RAPGEFL1: variants seen among roughly 807,000 people sequenced by gnomAD.
RAPGEFL1 encodes Rap guanine nucleotide exchange factor like 1, also known as rap guanine nucleotide exchange factor-like 1.
RAPGEFL1 carries 31 observed loss-of-function variants against 64.4 expected under a neutral mutation model. That is an observed-to-expected ratio of 0.48 (90% CI 0.36 to 0.65). The LOEUF is 0.65. RAPGEFL1 is among the 30% of genes least tolerant of loss of function. The pLI is 0.00. For synonymous variants in RAPGEFL1, 331 were observed against 274.1 expected (o/e 1.21, Z -2.05); for missense variants, 682 against 677.4 (o/e 1.01, Z -0.08).
At chr17:40,190,841 G>C (rs1990237627) in intron 8 of RAPGEFL1, 79 bp downstream of exon 8, 3 of 1,573,208 alleles carry the variant, frequency 1.9e-6, no homozygotes, top group African/African-American at 2.7e-5. Flanking sequence ...GCAGCACAAC[G>C]TCCTGGTTCC....
chr17:40,191,599 A>C lies in RAPGEFL1; in HGVS notation c.1532A>C (p.Asp511Ala). The C allele has an allele frequency of 6.2e-7, 1 of 1,602,088 alleles. No individual in the cohort carries two copies. Among genetic ancestry groups the C allele is most frequent in the South Asian group, 1.1e-5 (1 of 90,430 alleles). Residue 511 changes from aspartate to alanine, a missense_variant, in exon 10 of 15, where the codon GAC becomes GCC. By Grantham distance (126) the Asp-to-Ala change is moderately radical. This residue lies in a region of RAPGEFL1 where 411 missense variants were observed against 519.4 expected (regional missense o/e 0.79). Transcript: ENST00000620260. The surrounding 1 kb of genome is among the most constrained non-coding windows in gnomAD (Gnocchi z 5.1). ...CCCCGCAGCTGCAAGCAGAACCAGGACCTGCTGTCTTTCTACGCCGTGGTC... is the reference window on the plus strand; with the variant it reads ...CCCCGCAGCTGCAAGCAGAACCAGGCCCTGCTGTCTTTCTACGCCGTGGTC... ...KIAALCKQNQ[D>A]LLSFYAVVMG...
chr17:40,189,582 G>A (rs1387141878), intron 6 of RAPGEFL1, among the ~76,000 whole-genome samples: 1 of 152,238 alleles, frequency 6.6e-6, no homozygotes. Context: ...CAGCTACTCA[G>A]GAGGCTGAGG....
rs566747235 is a variant in RAPGEFL1, at chr17:40,177,498, A to AGCCGCCGCCGCCGCC, written c.-355_-341dup. On this transcript the variant is annotated 5_prime_UTR_variant, in exon 1 of 15. Coordinates refer to ENST00000620260, the MANE Select transcript of RAPGEFL1 (RefSeq NM_016339.6). The stretch of plus-strand genomic sequence containing the variant: ...TCCCCCTCTTCACGGCCAGGAGCGC[A>AGCCGCCGCCGCCGCC]GCCGCCGCCGCCGCCGCCGCCGCGT... 11 of 594,446 alleles carry AGCCGCCGCCGCCGCC rather than the reference A, an allele frequency of 1.9e-5. No homozygotes were observed. Among genetic ancestry groups the AGCCGCCGCCGCCGCC allele is most frequent in the African/African-American group, 1.3e-4 (7 of 52,498 alleles). 36.8% of individuals were successfully genotyped at this position (594,446 alleles called of 1,614,324 possible).
intron 1 of RAPGEFL1, among the ~76,000 whole-genome samples, chr17:40,178,591 C>T (rs1989799748): frequency 1.3e-5 from 2 of 152,222 alleles, no homozygotes; most frequent in South Asian, 2.1e-4. Flanking sequence ...GCCTCACCCT[C>T]GTCTGGAGAA....
chr17:40,191,730 TGCGTCCTCCCGGGACG>T lies in RAPGEFL1; in HGVS notation c.1605+61_1605+76del. The T allele has an allele frequency of 6.5e-7, 1 of 1,535,020 alleles. No homozygotes were observed. Among genetic ancestry groups the T allele is most frequent in the Non-Finnish European group, 8.9e-7 (1 of 1,125,320 alleles). Reference sequence around the variant, plus strand: ...TCTGGGCATCCCGGGCTCCCCGAAGTGCGTCCTCCCGGGACGGCCGCCGGCCTGGAGGGAGTCTTTG... The same window carrying T: ...TCTGGGCATCCCGGGCTCCCCGAAGTGCCGCCGGCCTGGAGGGAGTCTTTG... On this transcript the variant is annotated intron_variant, in intron 10 of 14. Coordinates refer to ENST00000620260, the MANE Select transcript of RAPGEFL1 (RefSeq NM_016339.6). The surrounding 1 kb of genome is among the most constrained non-coding windows in gnomAD (Gnocchi z 5.1).
chr17:40,191,699 TG>T lies in RAPGEFL1; in HGVS notation c.1605+30del. The T allele has an allele frequency of 6.3e-7, 1 of 1,590,756 alleles. No homozygotes were observed. Among genetic ancestry groups the T allele is most frequent in the Non-Finnish European group, 8.6e-7 (1 of 1,167,168 alleles). On this transcript the variant is annotated intron_variant, in intron 10 of 14. Transcript: ENST00000620260. This position sits in a 1 kb window ranked among gnomAD's most constrained non-coding sequence, Gnocchi z 5.1. ...TGATGAGACCCCTCCCGTTCCTACC[TG>T]GGAATCTGGGCATCCCGGGCTCCCC...
At position 40,177,707 on chromosome 17, in the gene RAPGEFL1, G is replaced by T. The variant is rs1989754293; in HGVS notation, c.-155G>T. 4.9e-6 allele frequency: 2 copies of T among 410,332 alleles called. No homozygotes were observed. The highest frequency in any genetic ancestry group is 4.4e-5 in the Admixed American group (1 of 22,666). The allele number at this position is 410,332 out of a possible 1,614,324, so 25.4% of individuals were successfully genotyped here. On this transcript the variant is annotated 5_prime_UTR_variant, in exon 1 of 15. Coordinates refer to ENST00000620260, the MANE Select transcript of RAPGEFL1 (RefSeq NM_016339.6). ...GCTACTGGCCACTGGACTCTGGCCA[G>T]CGAGGCTCGGCCCCTCTGGCCCCCA...
Position 40,194,245 on chromosome 17 carries a change from GT to G in RAPGEFL1, c.*458del, listed in dbSNP as rs1158628403. 1.1e-5 allele frequency: 1 copy of G among 93,924 alleles called. No individual in the cohort carries two copies. The highest frequency in any genetic ancestry group is 2.2e-5 in the Non-Finnish European group (1 of 45,110). The allele number at this position is 93,924 out of a possible 1,614,324, so 5.8% of individuals were successfully genotyped here. On this transcript the variant is annotated 3_prime_UTR_variant, in exon 15 of 15. Transcript: ENST00000620260. Reference sequence around the variant, plus strand: ...ATATTATGTTGCCGTGTGTGTGTGTGTGTGTGTGTGTGTGTGTGTGTGTGTG... The same window carrying G: ...ATATTATGTTGCCGTGTGTGTGTGTGGTGTGTGTGTGTGTGTGTGTGTGTG...
intron 1 of RAPGEFL1, 103 bp downstream of exon 1, chr17:40,178,484 A>T: frequency 2.3e-6 from 1 of 435,128 alleles, no homozygotes. Context: ...GCTTGGTTAT[A>T]GGGTTGAGTG....
At chr17:40,187,837 T>G (rs936346328) in intron 4 of RAPGEFL1, among the ~76,000 whole-genome samples, 5 of 150,182 alleles carry the variant, frequency 3.3e-5, no homozygotes, top group Admixed American at 2.7e-4. Flanking sequence ...ATGGTCTAGA[T>G]CTCCTGACCT....
intron 4 of RAPGEFL1, among the ~76,000 whole-genome samples, chr17:40,188,072 G>A (rs915169228): frequency 4.6e-5 from 7 of 151,434 alleles, no homozygotes; most frequent in Admixed American, 2.0e-4. Context: ...ACGCCACTAC[G>A]CCTGGCTAAT....
At chr17:40,180,222 C>G (rs1438383247) in intron 1 of RAPGEFL1, among the ~76,000 whole-genome samples, 1 of 152,190 alleles carries the variant, frequency 6.6e-6, no homozygotes, top group Non-Finnish European at 1.5e-5. Context: ...TGTAAGAACA[C>G]AGCAGGGTAG....
Position 40,177,500 on chromosome 17 carries a change from C to G in RAPGEFL1, c.-362C>G. The G allele has an allele frequency of 2.3e-6, 1 of 435,026 alleles. No individual in the cohort carries two copies. The allele number at this position is 435,026 out of a possible 1,614,324, so 26.9% of individuals were successfully genotyped here. A position where few individuals can be genotyped will look rare whatever the true frequency, so the allele number is the denominator to read the frequency against. ...CCCCTCTTCACGGCCAGGAGCGCAG[C>G]CGCCGCCGCCGCCGCCGCCGCGTCC... On this transcript the variant is annotated 5_prime_UTR_variant, in exon 1 of 15. Transcript: ENST00000620260.
rs771112975 is a variant in RAPGEFL1 at position 40,193,802 on chromosome 17, A to C, written c.*14A>C. On this transcript the variant is annotated 3_prime_UTR_variant, in exon 15 of 15. Coordinates refer to ENST00000620260, the MANE Select transcript of RAPGEFL1 (RefSeq NM_016339.6). ...AACAGTCAGTGAGAGTGGAGGCTCC[A>C]GTCAGACCCGCCAGATCCTTGGGCA... The C allele has an allele frequency of 2.5e-6, 4 of 1,613,778 alleles. No individual in the cohort carries two copies. Among genetic ancestry groups the C allele is most frequent in the Non-Finnish European group, 3.4e-6 (4 of 1,179,946 alleles).
chr17:40,191,629 G>A lies in RAPGEFL1; in HGVS notation c.1562G>A (p.Gly521Glu). The A allele has an allele frequency of 6.2e-7, 1 of 1,613,502 alleles. No individual in the cohort carries two copies. The highest frequency in any genetic ancestry group is 8.5e-7 in the Non-Finnish European group (1 of 1,179,854). ...CTGTCTTTCTACGCCGTGGTCATGG[G>A]GCTGGACAACGCCGCTGTCAGCCGC... is the stretch of plus-strand genomic sequence containing the variant. The part of the protein sequence containing the change: ...DLLSFYAVVM[G>E]LDNAAVSRLR... The change falls in exon 10 of 15, where the codon GGG (glycine) becomes GAG (glutamate). Residue 521 changes from glycine (G) to glutamate (E), a missense_variant. By Grantham distance (98) the Gly-to-Glu change is moderately conservative (BLOSUM62 -2). Coordinates refer to ENST00000620260, the MANE Select transcript of RAPGEFL1 (RefSeq NM_016339.6). This position sits in a 1 kb window ranked among gnomAD's most constrained non-coding sequence, Gnocchi z 5.1.
chr17:40,181,739 C>G (rs1226151379), intron 2 of RAPGEFL1, 45 bp downstream of exon 2: 1 of 699,254 alleles, frequency 1.4e-6, no homozygotes. Flanking sequence ...AGAAGGGAGC[C>G]ACTCCCTCCG....
At chr17:40,189,398 CT>C (rs781296132) in intron 6 of RAPGEFL1, 23 bp downstream of exon 6, 1 of 1,612,442 alleles carries the variant, frequency 6.2e-7, no homozygotes, top group Non-Finnish European at 8.5e-7. Flanking sequence ...AAGAACTGGG[CT>C]GATGCTCCGA....
chr17:40,193,894 C>A lies in RAPGEFL1; in HGVS notation c.*106C>A. On this transcript the variant is annotated 3_prime_UTR_variant, in exon 15 of 15. Coordinates refer to ENST00000620260, the MANE Select transcript of RAPGEFL1 (RefSeq NM_016339.6). ...TGACATCTTTCCCGTGGAGCAACTT[C>A]CTGCTCCACGGGAAAGAGGTCGATG... The A allele has an allele frequency of 6.9e-7, 1 of 1,443,346 alleles. No individual in the cohort carries two copies. Among genetic ancestry groups the A allele is most frequent in the Non-Finnish European group, 9.4e-7 (1 of 1,064,176 alleles). 89.4% of individuals were successfully genotyped at this position (1,443,346 alleles called of 1,614,324 possible).
In RAPGEFL1 at chr17:40,193,390, A is replaced by G. The variant is rs1304037046; in HGVS notation, c.1837A>G (p.Ile613Val). The change falls in exon 14 of 15, where the codon ATC becomes GTC. Residue 613 changes from isoleucine (I) to valine (V), a missense_variant. Physicochemically the swap from Ile to Val is conservative, Grantham distance 29. Coordinates refer to ENST00000620260, the MANE Select transcript of RAPGEFL1 (RefSeq NM_016339.6). ...LHSVAEKVRT[I>V]RKYRSRPLCL... is the part of the protein sequence containing the mutation. ...TTCAGTGGCCGAAAAAGTGAGGACAATCCGCAAATACCGGAGCCGGCCCCT... is the reference window on the plus strand; with the variant it reads ...TTCAGTGGCCGAAAAAGTGAGGACAGTCCGCAAATACCGGAGCCGGCCCCT... The G allele has an allele frequency of 3.7e-6, 6 of 1,614,204 alleles. No individual in the cohort carries two copies. Among genetic ancestry groups the G allele is most frequent in the Non-Finnish European group, 5.1e-6 (6 of 1,180,020 alleles).
Sources: gnomAD v4.1 joint callset for allele counts (sites outside exome capture counted in the v4.1 genomes callset) on GRCh38, gnomAD v4.1.1 for gene constraint, gnomAD v4.1.1 regional missense constraint, Gnocchi (gnomAD v3.1) non-coding constraint, MANE v1.5 for transcripts, NCBI Gene and HGNC (gene_info 2026-07-23, HGNC 2026-07-21) for gene names.